Variants in FAT4 observed in about 807,000 individuals in gnomAD.
FAT4 encodes the protein FAT atypical cadherin 4, also known as protocadherin Fat 4.
A neutral mutation model predicts 303.9 loss-of-function variants in FAT4; 84 were observed. The observed-to-expected ratio is 0.28, with a 90% CI of 0.23 to 0.33. The LOEUF is 0.33. FAT4 is among the 10% of genes least tolerant of loss of function. The pLI is 1.00. For synonymous variants in FAT4, 2,307 were observed against 2,298.8 expected (o/e 1.00, Z -0.10); for missense variants, 6,005 against 6,146.8 (o/e 0.98, Z 0.77).
intron 2 of FAT4, among the ~76,000 whole-genome samples, chr4:125,389,665 C>T: frequency 6.6e-6 from 1 of 152,030 alleles, no homozygotes; most frequent in South Asian, 2.1e-4. Context: ...GTAGGTCTTT[C>T]CTCCAAAGTT....
Position 125,463,626 on chromosome 4 carries a change from G to T in FAT4, c.11864G>T (p.Cys3955Phe). 6.2e-7 allele frequency: 1 copy of T among 1,600,390 alleles called. No homozygotes were observed. Among genetic ancestry groups the T allele is most frequent in the South Asian group, 1.1e-5 (1 of 88,760 alleles). ...AACCCCTGCTTTAATGGTGGTTCCT[G>T]CCAAAGTGGTGTGGATTCTTATTAT... ...ECNPCFNGGS[C>F]QSGVDSYYCH... is the part of the protein sequence containing the mutation. Residue 3955 changes from cysteine (C) to phenylalanine (F), a missense_variant, in exon 11 of 18, where the codon TGC becomes TTC. Coordinates refer to ENST00000394329, the MANE Select transcript of FAT4 (RefSeq NM_001291303.3).
intron 2 of FAT4, among the ~76,000 whole-genome samples, chr4:125,366,166 G>A (rs938711487): frequency 1.3e-5 from 2 of 152,102 alleles, no homozygotes; most frequent in Non-Finnish European, 2.9e-5. Flanking sequence ...CTGTCATGGG[G>A]TTTGTTGTAC....
At chr4:125,447,809 C>T (rs1725878840) in intron 9 of FAT4, among the ~76,000 whole-genome samples, 1 of 151,894 alleles carries the variant, frequency 6.6e-6, no homozygotes, top group African/African-American at 2.4e-5. Flanking sequence ...GTCCATTATC[C>T]CTCAATTCTT....
intron 17 of FAT4, among the ~76,000 whole-genome samples, chr4:125,488,847 G>A (rs915138751): frequency 6.6e-6 from 1 of 152,148 alleles, no homozygotes; most frequent in African/African-American, 2.4e-5. Flanking sequence ...TGAGGGCGTA[G>A]AGTGAAAAGA....
intron 2 of FAT4, among the ~76,000 whole-genome samples, chr4:125,353,713 A>G (rs1350969430): frequency 6.6e-6 from 1 of 151,730 alleles, no homozygotes; most frequent in Non-Finnish European, 1.5e-5. Flanking sequence ...TGTGGTTTCT[A>G]TAATATGACT....
intron 2 of FAT4, among the ~76,000 whole-genome samples, chr4:125,379,529 G>A (rs1408410732): frequency 2.0e-5 from 3 of 151,480 alleles, no homozygotes; most frequent in East Asian, 1.9e-4. Flanking sequence ...GTGCAATCTC[G>A]GCTCACTGTA....
chr4:125,407,926 C>G (rs756190435), intron 4 of FAT4, among the ~76,000 whole-genome samples: 1 of 152,116 alleles, frequency 6.6e-6, no homozygotes. Flanking sequence ...TAAACATCTA[C>G]AGGAGACTCC....
In FAT4 at chr4:125,450,768, C is replaced by T. The variant is rs780030726; in HGVS notation, c.9758C>T (p.Thr3253Ile). 1.9e-6 allele frequency: 3 copies of T among 1,613,986 alleles called. No individual in the cohort carries two copies. Among genetic ancestry groups the T allele is most frequent in the Admixed American group, 1.7e-5 (1 of 59,998 alleles). ...FVIDPNTGVI[T>I]TQGFLDFETK... Reference sequence around the variant, plus strand: ...ATTGACCCTAACACAGGAGTCATAACCACTCAAGGCTTCTTGGATTTTGAA... The same window carrying T: ...ATTGACCCTAACACAGGAGTCATAATCACTCAAGGCTTCTTGGATTTTGAA... Residue 3253 changes from threonine to isoleucine, a missense_variant, in exon 10 of 18, where the codon ACC becomes ATC. Coordinates refer to ENST00000394329, the MANE Select transcript of FAT4 (RefSeq NM_001291303.3).
intron 3 of FAT4, among the ~76,000 whole-genome samples, chr4:125,399,296 T>G (rs1411449151): frequency 6.6e-6 from 1 of 152,102 alleles, no homozygotes; most frequent in Admixed American, 6.6e-5. Flanking sequence ...AAGCAAATAA[T>G]TTAAAACTAC....
At position 125,490,849 on chromosome 4, in the gene FAT4, C is replaced by G. The variant is rs766361374; in HGVS notation, c.14033C>G (p.Pro4678Arg). Residue 4678 changes from proline (P) to arginine (R), a missense_variant, in exon 18 of 18, where the codon CCT (proline) becomes CGT (arginine). Pro to Arg is a moderately radical substitution (Grantham distance 103). Transcript: ENST00000394329. ...GGAGCAAGCAGTTTGACTTACCAGC[C>G]TTCATATGGTCAAGGTTTGAGAACC... is the stretch of plus-strand genomic sequence containing the variant. ...PLGASSLTYQ[P>R]SYGQGLRTSS... The G allele has an allele frequency of 3.7e-6, 6 of 1,614,162 alleles. No homozygotes were observed. The highest frequency in any genetic ancestry group is 5.1e-6 in the Non-Finnish European group (6 of 1,180,042).
chr4:125,382,163 C>T (rs1236033471), intron 2 of FAT4, among the ~76,000 whole-genome samples: 4 of 152,140 alleles, frequency 2.6e-5, no homozygotes, highest in African/African-American at 9.7e-5. Context: ...GTATTTTTAC[C>T]TCCTCCCATG....
chr4:125,448,406 C>G, intron 9 of FAT4, 55 bp from the exon 10 acceptor site: 1 of 1,497,382 alleles, frequency 6.7e-7, no homozygotes, highest in Non-Finnish European at 9.0e-7. Context: ...TATCTGCTAC[C>G]AAATATTTTA....
chr4:125,423,362 G>A lies in FAT4; in HGVS notation c.7018+6740G>A, dbSNP rs576109502. Among the ~76,000 whole-genome samples the A allele has an allele frequency of 1.2e-4, 18 of 152,220 alleles. No individual in the cohort carries two copies. In the South Asian group the frequency reaches 3.3e-3, roughly 28 times the overall value. Reference sequence around the variant, plus strand: ...GCTGTGTAAAACCTAGGGATGTGGTGCCCCACATCATAGTCACTCTAGCCA... The same window carrying A: ...GCTGTGTAAAACCTAGGGATGTGGTACCCCACATCATAGTCACTCTAGCCA... On this transcript the variant is annotated intron_variant, in intron 7 of 17. Transcript: ENST00000394329.
intron 2 of FAT4, among the ~76,000 whole-genome samples, chr4:125,363,929 T>C (rs1732766034): frequency 6.6e-6 from 1 of 152,202 alleles, no homozygotes; most frequent in Admixed American, 6.5e-5. Context: ...TGTTCCCCTA[T>C]TGATAGTTCC....
At position 125,434,325 on chromosome 4, in the gene FAT4, A is replaced by G. The variant is rs1725376082; in HGVS notation, c.7099A>G (p.Lys2367Glu). Residue 2367 changes from lysine (K) to glutamate (E), a missense_variant, in exon 8 of 18, where the codon AAA becomes GAA. Physicochemically the swap from Lys to Glu is moderately conservative, Grantham distance 56 (BLOSUM62 1). Transcript: ENST00000394329. The stretch of plus-strand genomic sequence containing the variant: ...TGACAATGTCCCCACATTTGCCAGT[A>G]AAGCGTATTTCACAACAATTCCTGA... ...VNDNVPTFASKAYFTTIPEDA... is the reference protein window; with the variant it reads ...VNDNVPTFASEAYFTTIPEDA... 2 of 1,614,108 alleles carry G rather than the reference A, an allele frequency of 1.2e-6. No homozygotes were observed. Among genetic ancestry groups the G allele is most frequent in the Non-Finnish European group, 1.7e-6 (2 of 1,179,956 alleles).
rs751155651 is a variant in FAT4, at chr4:125,448,583, A to G, written c.7573A>G (p.Met2525Val). 1.2e-6 allele frequency: 2 copies of G among 1,613,958 alleles called. No homozygotes were observed. Among genetic ancestry groups the G allele is most frequent in the Middle Eastern group, 1.6e-4 (1 of 6,062 alleles). The change falls in exon 10 of 18, where the codon ATG (methionine) becomes GTG (valine). Residue 2525 changes from methionine to valine, a missense_variant. Coordinates refer to ENST00000394329, the MANE Select transcript of FAT4 (RefSeq NM_001291303.3). ...FHIDPLRGAI[M>V]AAGPLNGASE... is the part of the protein sequence containing the mutation. ...CATTGACCCACTGAGGGGAGCCATT[A>G]TGGCCGCCGGACCACTAAACGGAGC... is the stretch of plus-strand genomic sequence containing the variant.
intron 16 of FAT4, among the ~76,000 whole-genome samples, chr4:125,483,420 A>G (rs1251908908): frequency 1.3e-5 from 2 of 152,186 alleles, no homozygotes; most frequent in East Asian, 1.9e-4. Flanking sequence ...TAAATGACAT[A>G]TGAAATATTT....
At chr4:125,387,588 C>G (rs1733803159) in intron 2 of FAT4, among the ~76,000 whole-genome samples, 1 of 152,102 alleles carries the variant, frequency 6.6e-6, no homozygotes, top group Non-Finnish European at 1.5e-5. Flanking sequence ...CTCCTCTAAT[C>G]TTTGGATTGT....
chr4:125,358,296 C>G (rs922510333), intron 2 of FAT4, among the ~76,000 whole-genome samples: 1 of 151,990 alleles, frequency 6.6e-6, no homozygotes, highest in East Asian at 1.9e-4. Context: ...TCCATGGACC[C>G]AGGTGGAGGG....
Sources: allele counts gnomAD v4.1 joint callset (sites outside exome capture counted in the v4.1 genomes callset), GRCh38; gene constraint gnomAD v4.1.1; transcripts MANE v1.5; gene names NCBI Gene and HGNC (gene_info 2026-07-23, HGNC 2026-07-21).